Variants in COMMD1 observed in about 807,000 individuals in gnomAD.
COMMD1 encodes the protein copper metabolism domain containing 1.
In COMMD1, 10 loss-of-function variants were observed where a neutral mutation model predicts 17.2. The observed-to-expected ratio is 0.58, with a 90% CI of 0.36 to 0.99. The LOEUF is 0.99. Ranked by LOEUF, COMMD1 falls within the 50% of genes least tolerant of loss-of-function variation. The pLI is 0.01. For synonymous variants in COMMD1, 97 were observed against 91.6 expected (o/e 1.06, Z -0.34); for missense variants, 270 against 231.8 (o/e 1.17, Z -1.07).
intron 2 of COMMD1, among the ~76,000 whole-genome samples, chr2:62,031,243 G>T (rs1444378840): frequency 6.6e-6 from 1 of 152,112 alleles, no homozygotes; most frequent in Non-Finnish European, 1.5e-5. Flanking sequence ...AGTGAGCTAG[G>T]CCTCTGTATA....
chr2:61,939,789 C>T (rs1168196170), intron 1 of COMMD1, among the ~76,000 whole-genome samples: 1 of 152,146 alleles, frequency 6.6e-6, no homozygotes, highest in Non-Finnish European at 1.5e-5. Flanking sequence ...GCCTTCCAAA[C>T]AAGGTGTTTG....
intron 2 of COMMD1, among the ~76,000 whole-genome samples, chr2:62,045,320 G>C (rs540861215): frequency 2.6e-5 from 4 of 152,306 alleles, no homozygotes; most frequent in South Asian, 4.1e-4. Context: ...AGATTGTATA[G>C]TAGTGATGTT....
intron 1 of COMMD1, among the ~76,000 whole-genome samples, chr2:61,926,334 C>A (rs1558523962): frequency 6.6e-6 from 1 of 152,068 alleles, no homozygotes; most frequent in Non-Finnish European, 1.5e-5. Flanking sequence ...AGATTGTCCC[C>A]TTTGTGAGGT....
At position 62,002,554 on chromosome 2, in the gene COMMD1, G is replaced by A. The variant is rs912413103; in HGVS notation, c.462+1572G>A. On this transcript the variant is annotated intron_variant, in intron 2 of 2. Transcript: ENST00000311832. ...ATTCATTAAAAATTTTTGGCCAGGCGCAGTGGCTCATCTCTGTAATCCCAG... is the reference window on the plus strand; with the variant it reads ...ATTCATTAAAAATTTTTGGCCAGGCACAGTGGCTCATCTCTGTAATCCCAG... Among the ~76,000 whole-genome samples, 18 of 135,004 alleles carry A rather than the reference G, an allele frequency of 1.3e-4. No homozygotes were observed. In the East Asian group the frequency reaches 4.0e-3, roughly 30 times the overall value. The allele number at this position is 135,004 out of a possible 152,430, so 88.6% of individuals were successfully genotyped here. A position where few individuals can be genotyped will look rare whatever the true frequency, so the allele number is the denominator to read the frequency against.
intron 1 of COMMD1, among the ~76,000 whole-genome samples, chr2:61,931,319 T>A (rs1572974211): frequency 6.6e-6 from 1 of 151,726 alleles, no homozygotes; most frequent in South Asian, 2.1e-4. Flanking sequence ...CTCAAAAAAA[T>A]AAATAAAAAT....
intron 1 of COMMD1, among the ~76,000 whole-genome samples, chr2:61,963,109 G>A (rs1366903338): frequency 6.6e-6 from 1 of 150,414 alleles, no homozygotes; most frequent in Non-Finnish European, 1.5e-5. Context: ...ACAGTGAGCC[G>A]AGATCATGCC....
In COMMD1 at chr2:62,129,935, GGAGGCC is replaced by G. The variant is rs562394987; in HGVS notation, c.463-5890_463-5885del. On this transcript the variant is annotated intron_variant, in intron 2 of 2. Coordinates refer to ENST00000311832, the MANE Select transcript of COMMD1 (RefSeq NM_152516.4). ...TTACGCCTGTAATCCCAGCACTTTG[GGAGGCC>G]GAGGCGGGTGGATCACGAGGTCAGG... Among the ~76,000 whole-genome samples the G allele has an allele frequency of 8.5e-5, 13 of 152,254 alleles. No individual in the cohort carries two copies. In the East Asian group the frequency reaches 1.4e-3, roughly 16 times the overall value.
chr2:62,017,138 C>G (rs931178860), intron 2 of COMMD1, among the ~76,000 whole-genome samples: 3 of 152,104 alleles, frequency 2.0e-5, no homozygotes, highest in African/African-American at 7.2e-5. Context: ...CTTTTTATTG[C>G]CAGAGTTATT....
chr2:62,001,942 C>T (rs1454198443), intron 2 of COMMD1, among the ~76,000 whole-genome samples: 7 of 151,562 alleles, frequency 4.6e-5, no homozygotes, highest in East Asian at 1.9e-4. Flanking sequence ...CTGAGGTGGG[C>T]GGATCACCTG....
intron 2 of COMMD1, among the ~76,000 whole-genome samples, chr2:62,016,072 A>G (rs983401078): frequency 8.5e-5 from 13 of 152,152 alleles, no homozygotes; most frequent in African/African-American, 1.7e-4. Context: ...ACCTCAGGCA[A>G]TCTACCTGCC....
At chr2:61,930,776 G>A (rs991112172) in intron 1 of COMMD1, among the ~76,000 whole-genome samples, 4 of 151,548 alleles carry the variant, frequency 2.6e-5, no homozygotes, top group Non-Finnish European at 5.9e-5. Flanking sequence ...TGCTTGATAG[G>A]CATGGAATTG....
intron 1 of COMMD1, among the ~76,000 whole-genome samples, chr2:61,961,016 G>A (rs1451282232): frequency 6.6e-6 from 1 of 152,238 alleles, no homozygotes; most frequent in Non-Finnish European, 1.5e-5. Flanking sequence ...CTGCCGCAAA[G>A]GGCAGTGGGG....
Position 62,123,272 on chromosome 2 carries a change from G to A in COMMD1, c.463-12559G>A, listed in dbSNP as rs1384110826. On this transcript the variant is annotated intron_variant, in intron 2 of 2. Transcript: ENST00000311832. Reference sequence around the variant, plus strand: ...TGTAATCCCAGCACTTTGGGAGGCTGAGGCAGGCAGATCATGAGGTCAGGA... The same window carrying A: ...TGTAATCCCAGCACTTTGGGAGGCTAAGGCAGGCAGATCATGAGGTCAGGA... Among the ~76,000 whole-genome samples the A allele has an allele frequency of 2.3e-3, 341 of 151,550 alleles. 1 individual carries two copies. Among genetic ancestry groups the A allele is most frequent in the African/African-American group, 7.9e-3 (324 of 40,894 alleles).
In COMMD1 at chr2:62,044,960, C is replaced by T. The variant is rs536192793; in HGVS notation, c.462+43978C>T. ...TTGGGGAACTAAGATTGTAATTGCC[C>T]GATGGGTTCTTCCCTGCCTGCTGCA... On this transcript the variant is annotated intron_variant, in intron 2 of 2. Transcript: ENST00000311832. Among the ~76,000 whole-genome samples the T allele has an allele frequency of 5.9e-5, 9 of 152,076 alleles. No homozygotes were observed. The South Asian group carries it at 6.2e-4, about 11-fold the overall frequency.
At position 62,135,934 on chromosome 2, in the gene COMMD1, C is replaced by G. The variant is rs991852426; in HGVS notation, c.566C>G (p.Pro189Arg). 1.3e-6 allele frequency: 2 copies of G among 1,547,008 alleles called. No homozygotes were observed. Among genetic ancestry groups the G allele is most frequent in the Non-Finnish European group, 1.8e-6 (2 of 1,118,900 alleles). ...AGTATCAGCACACTGATCAGCCAGC[C>G]TAACTGAAGATGATGTATGAAGGAG... ...EESISTLISQ[P>R]N The change falls in exon 3 of 3, where the codon CCT becomes CGT. Residue 189 changes from proline to arginine, a missense_variant. Coordinates refer to ENST00000311832, the MANE Select transcript of COMMD1 (RefSeq NM_152516.4).
intron 2 of COMMD1, among the ~76,000 whole-genome samples, chr2:62,077,463 GA>G (rs1671377696): frequency 6.6e-6 from 1 of 152,068 alleles, no homozygotes; most frequent in Non-Finnish European, 1.5e-5. Flanking sequence ...TCTTTTTCTA[GA>G]GTCTGCCAAC....
intron 2 of COMMD1, among the ~76,000 whole-genome samples, chr2:62,029,995 T>C (rs2103873298): frequency 6.6e-6 from 1 of 152,372 alleles, no homozygotes; most frequent in East Asian, 1.9e-4. Flanking sequence ...ATTTTCATGC[T>C]TAGGTCCAGC....
chr2:62,032,954 G>C (rs1351699748), intron 2 of COMMD1, among the ~76,000 whole-genome samples: 2 of 152,148 alleles, frequency 1.3e-5, no homozygotes, highest in Admixed American at 1.3e-4. Context: ...TATTTTTGTA[G>C]AGATGAGGTT....
chr2:62,019,698 C>G (rs377606385), intron 2 of COMMD1, among the ~76,000 whole-genome samples: 1 of 152,172 alleles, frequency 6.6e-6, no homozygotes, highest in Non-Finnish European at 1.5e-5. Flanking sequence ...GCGATAGATG[C>G]AATCCACATG....
Sources: gnomAD v4.1 joint callset for allele counts (sites outside exome capture counted in the v4.1 genomes callset) on GRCh38, gnomAD v4.1.1 for gene constraint, MANE v1.5 for transcripts, NCBI Gene and HGNC (gene_info 2026-07-23, HGNC 2026-07-21) for gene names.